The following BRAF variants were observed in gnomAD, a reference collection of about 807,000 sequenced individuals.
The protein encoded by BRAF is B-Raf proto-oncogene, serine/threonine kinase.
A neutral mutation model predicts 104.6 loss-of-function variants in BRAF; 16 were observed. The observed-to-expected ratio is 0.15, with a 90% CI of 0.10 to 0.23. The LOEUF (loss-of-function observed/expected upper bound fraction) is 0.23, where lower values mean the gene tolerates loss of function less well. Ranked by LOEUF, BRAF falls within the 10% of genes least tolerant of loss-of-function variation. The pLI is 1.00. For synonymous variants in BRAF, 310 were observed against 341.6 expected, an observed-to-expected ratio of 0.91 and a Z score of 1.02; for missense variants, 541 against 937.3, an observed-to-expected ratio of 0.58 and a Z score of 5.52.
At chr7:140,901,233 G>C (rs1175886489) in intron 1 of BRAF, among the ~76,000 whole-genome samples, 2 of 152,172 alleles carry the variant, frequency 1.3e-5, no homozygotes, top group Non-Finnish European at 2.9e-5. Flanking sequence ...AATTAGTGTT[G>C]TAAGTTTGTT....
intron 3 of BRAF, among the ~76,000 whole-genome samples, chr7:140,818,317 T>TC (rs1347574197): frequency 2.0e-5 from 3 of 151,192 alleles, no homozygotes; most frequent in African/African-American, 7.3e-5. Flanking sequence ...TATTTTAATT[T>TC]TTTTTTTTTT....
chr7:140,770,529 A>C (rs1465196402), intron 14 of BRAF, among the ~76,000 whole-genome samples: 1 of 146,066 alleles, frequency 6.8e-6, no homozygotes, highest in Non-Finnish European at 1.5e-5. Flanking sequence ...AGGCCTGCCA[A>C]AAAAAAAAAA....
At chr7:140,869,232 C>G (rs2129090836) in intron 1 of BRAF, among the ~76,000 whole-genome samples, 1 of 152,220 alleles carries the variant, frequency 6.6e-6, no homozygotes, top group East Asian at 1.9e-4. Context: ...TGGAAGTTGA[C>G]AGAAATAACA....
At position 140,911,733 on chromosome 7, in the gene BRAF, T is replaced by C. The variant is rs188601954; in HGVS notation, c.138+12833A>G. Among the ~76,000 whole-genome samples the C allele has an allele frequency of 1.1e-4, 16 of 152,266 alleles. No homozygotes were observed. In the South Asian group the frequency reaches 1.5e-3, roughly 14 times the overall value. On this transcript the variant is annotated intron_variant, in intron 1 of 19. Coordinates refer to ENST00000644969, the MANE Select transcript of BRAF (RefSeq NM_001374258.1). ...CTACATAGAAAAACCAGTAAGTATT[T>C]GATACAGAAAAGATGAAGAAAATTT...
chr7:140,796,345 T>C (rs1367685518), intron 7 of BRAF, among the ~76,000 whole-genome samples: 1 of 137,876 alleles, frequency 7.3e-6, no homozygotes, highest in East Asian at 2.0e-4. Flanking sequence ...TGAGACTCCA[T>C]CTTAAAAAAA....
intron 14 of BRAF, among the ~76,000 whole-genome samples, chr7:140,760,218 G>A (rs1193541344): frequency 1.3e-5 from 2 of 152,136 alleles, no homozygotes; most frequent in Non-Finnish European, 2.9e-5. Context: ...TTCCAGACCA[G>A]CCTGGCCAAC....
At chr7:140,784,256 T>C (rs1801144071) in intron 10 of BRAF, among the ~76,000 whole-genome samples, 2 of 152,226 alleles carry the variant, frequency 1.3e-5, no homozygotes, top group South Asian at 4.1e-4. Context: ...TTACCATTAT[T>C]ACATCATATT....
At chr7:140,860,847 T>C (rs1193091781) in intron 1 of BRAF, among the ~76,000 whole-genome samples, 3 of 152,228 alleles carry the variant, frequency 2.0e-5, no homozygotes, top group Non-Finnish European at 4.4e-5. Context: ...ATGTAGCTAC[T>C]TATATTCACA....
chr7:140,770,295 C>T (rs995884424), intron 14 of BRAF, among the ~76,000 whole-genome samples: 1 of 152,086 alleles, frequency 6.6e-6, no homozygotes, highest in African/African-American at 2.4e-5. Context: ...CTTCTATCTT[C>T]AACTGGGTTC....
At chr7:140,800,174 CTA>C in intron 7 of BRAF, 186 bp downstream of exon 7, 1 of 904,756 alleles carries the variant, frequency 1.1e-6, no homozygotes, top group South Asian at 1.6e-5. Context: ...CTGAAATAGT[CTA>C]TGTCAGCTTT....
intron 7 of BRAF, among the ~76,000 whole-genome samples, chr7:140,798,018 T>C (rs1392968708): frequency 6.6e-6 from 1 of 152,174 alleles, no homozygotes; most frequent in Non-Finnish European, 1.5e-5. Flanking sequence ...GTATACTCAC[T>C]GCTTAAGACA....
At chr7:140,803,588 G>C (rs1803351577) in intron 5 of BRAF, among the ~76,000 whole-genome samples, 1 of 152,016 alleles carries the variant, frequency 6.6e-6, no homozygotes, top group Non-Finnish European at 1.5e-5. Context: ...TCTAACAAAT[G>C]ATCAATTTCT....
chr7:140,776,863 C>T (rs1800380620), intron 14 of BRAF, 49 bp downstream of exon 13: 1 of 1,560,562 alleles, frequency 6.4e-7, no homozygotes, highest in Admixed American at 1.7e-5. Flanking sequence ...AAAACATCCT[C>T]AATGGTCTTC....
chr7:140,811,797 T>A (rs1298042580), intron 3 of BRAF, among the ~76,000 whole-genome samples: 2 of 152,188 alleles, frequency 1.3e-5, no homozygotes, highest in Non-Finnish European at 2.9e-5. Context: ...TTGGCTCATT[T>A]AAATAATAAT....
chr7:140,797,760 G>C (rs973761428), intron 7 of BRAF, among the ~76,000 whole-genome samples: 6 of 152,122 alleles, frequency 3.9e-5, no homozygotes, highest in Non-Finnish European at 1.5e-5. Context: ...ACTGCTCACA[G>C]AACTGGGACC....
intron 1 of BRAF, among the ~76,000 whole-genome samples, chr7:140,881,066 G>C (rs1051270670): frequency 6.6e-6 from 1 of 152,208 alleles, no homozygotes; most frequent in Admixed American, 6.5e-5. Context: ...TTAGTAATAT[G>C]TTGGAAGGGA....
At chr7:140,885,003 T>C (rs921105526) in intron 1 of BRAF, among the ~76,000 whole-genome samples, 1 of 152,176 alleles carries the variant, frequency 6.6e-6, no homozygotes, top group Admixed American at 6.5e-5. Flanking sequence ...TGTTTGTTTA[T>C]TTATTCATTT....
chr7:140,903,262 T>C (rs530229619), intron 1 of BRAF, among the ~76,000 whole-genome samples: 100 of 152,308 alleles, frequency 6.6e-4, no homozygotes, highest in Middle Eastern at 3.4e-3. Flanking sequence ...CTAATGCAGC[T>C]GGTGACTTTA....
At chr7:140,884,923 AC>A (rs1474017858) in intron 1 of BRAF, among the ~76,000 whole-genome samples, 7 of 152,188 alleles carry the variant, frequency 4.6e-5, no homozygotes, top group African/African-American at 1.4e-4. Flanking sequence ...AAAAATAACC[AC>A]ATTTTCCAAA....
Sources: allele counts gnomAD v4.1 joint callset (sites outside exome capture counted in the v4.1 genomes callset), GRCh38; gene constraint gnomAD v4.1.1; transcripts MANE v1.5; gene names NCBI Gene and HGNC (gene_info 2026-07-23, HGNC 2026-07-21).